Variants in TENM4 observed in about 807,000 individuals in gnomAD.
The protein encoded by TENM4 is teneurin-4.
Under a neutral mutation model 243.3 loss-of-function variants are expected in TENM4, and 82 were observed. That is an observed-to-expected ratio of 0.34 (90% CI 0.28 to 0.40). The LOEUF (loss-of-function observed/expected upper bound fraction) is 0.40, where lower values mean the gene tolerates loss of function less well. Among genes scored for constraint, TENM4 ranks in the 10% least tolerant of loss-of-function variants. TENM4 has a pLI of 1.00. For missense variants in TENM4, 3,138 were observed against 3,673.3 expected, an observed-to-expected ratio of 0.85 and a Z score of 3.77; for synonymous variants, 1,412 against 1,456.3, an observed-to-expected ratio of 0.97 and a Z score of 0.69.
intron 1 of TENM4, among the ~76,000 whole-genome samples, chr11:79,362,283 G>A (rs1448780401): frequency 6.6e-6 from 1 of 152,162 alleles, no homozygotes; most frequent in Admixed American, 6.5e-5. Context: ...AACACAATGA[G>A]CGCAGACAGC....
At chr11:78,854,865 G>A (rs1187556366) in intron 11 of TENM4, among the ~76,000 whole-genome samples, 10 of 152,152 alleles carry the variant, frequency 6.6e-5, no homozygotes, top group Non-Finnish European at 2.9e-5. Flanking sequence ...GTTTCAGGGA[G>A]CAAATTTAGG....
At chr11:79,234,054 G>A (rs1470879503) in intron 2 of TENM4, among the ~76,000 whole-genome samples, 5 of 152,162 alleles carry the variant, frequency 3.3e-5, no homozygotes, top group South Asian at 2.1e-4. Context: ...CAAATATGGC[G>A]TTTGCTACTC....
At chr11:79,398,169 C>G (rs561021261) in intron 1 of TENM4, among the ~76,000 whole-genome samples, 1 of 151,802 alleles carries the variant, frequency 6.6e-6, no homozygotes, top group South Asian at 2.1e-4. Context: ...CTGTGCTTTA[C>G]TTTTTTTTTC....
At chr11:79,039,292 T>C (rs756472092) in intron 6 of TENM4, among the ~76,000 whole-genome samples, 24 of 151,776 alleles carry the variant, frequency 1.6e-4, no homozygotes, top group Non-Finnish European at 3.5e-4. Context: ...CCTCAAAGGG[T>C]TTTTGGTGTT....
At chr11:79,174,320 C>T (rs1863114082) in intron 3 of TENM4, among the ~76,000 whole-genome samples, 2 of 152,040 alleles carry the variant, frequency 1.3e-5, no homozygotes, top group South Asian at 4.2e-4. Context: ...TGACTCATAC[C>T]TCCCTATGTC....
chr11:79,207,528 A>T (rs768929087), intron 3 of TENM4, among the ~76,000 whole-genome samples: 7 of 152,152 alleles, frequency 4.6e-5, no homozygotes, highest in African/African-American at 7.2e-5. Flanking sequence ...TTGAAACCAG[A>T]GCCTGAGCTC....
At position 79,145,733 on chromosome 11, in the gene TENM4, T is replaced by C. The variant is rs549134333; in HGVS notation, c.-66+2977A>G. On this transcript the variant is annotated intron_variant, in intron 4 of 33. Coordinates refer to ENST00000278550, the MANE Select transcript of TENM4 (RefSeq NM_001098816.3). ...CAGTTTTCCAGTGTCATCAAACCAATTACATTTCAGCTAACAGTGTGTAAG... is the reference window on the plus strand; with the variant it reads ...CAGTTTTCCAGTGTCATCAAACCAACTACATTTCAGCTAACAGTGTGTAAG... Among the ~76,000 whole-genome samples the C allele has an allele frequency of 4.1e-4, 63 of 152,228 alleles. 2 individuals carry two copies. Among genetic ancestry groups the C allele is most frequent in the Non-Finnish European group, 2.4e-4 (16 of 67,998 alleles).
At chr11:79,062,937 C>A (rs1362752268) in intron 6 of TENM4, among the ~76,000 whole-genome samples, 1 of 152,016 alleles carries the variant, frequency 6.6e-6, no homozygotes, top group Non-Finnish European at 1.5e-5. Context: ...TGGTTTCCCA[C>A]CAGAGAGAGG....
intron 3 of TENM4, among the ~76,000 whole-genome samples, chr11:79,172,666 C>CTTT (rs71457503): frequency 5.2e-4 from 71 of 137,712 alleles, no homozygotes; most frequent in East Asian, 3.6e-3. Context: ...TTTTCTGTTC[C>CTTT]TTTTTTTTTT....
chr11:79,142,831 T>C (rs564242601), intron 4 of TENM4, among the ~76,000 whole-genome samples: 3 of 151,936 alleles, frequency 2.0e-5, no homozygotes, highest in Non-Finnish European at 4.4e-5. Context: ...CAAATCTGCA[T>C]ACCTACAGTG....
At position 78,723,029 on chromosome 11, in the gene TENM4, A is replaced by G. The variant is rs1184621219; in HGVS notation, c.3551-112T>C. Reference sequence around the variant, plus strand: ...AAGGCATGCAAGATCTCCATCAACCATTTCCAGGATCATAGCCCAAGGCTT... The same window carrying G: ...AAGGCATGCAAGATCTCCATCAACCGTTTCCAGGATCATAGCCCAAGGCTT... On this transcript the variant is annotated intron_variant, in intron 23 of 33. Transcript: ENST00000278550. 1.2e-5 allele frequency: 17 copies of G among 1,442,700 alleles called. 1 individual carries two copies. In the East Asian group the frequency reaches 2.1e-4, roughly 18 times the overall value. 89.4% of individuals were successfully genotyped at this position (1,442,700 alleles called of 1,614,324 possible). A position where few individuals can be genotyped will look rare whatever the true frequency, so the allele number is the denominator to read the frequency against.
chr11:79,344,359 C>A (rs1472323134), intron 1 of TENM4, among the ~76,000 whole-genome samples: 1 of 152,048 alleles, frequency 6.6e-6, no homozygotes, highest in East Asian at 1.9e-4. Flanking sequence ...GTGAGGAAGT[C>A]AGAGAAGGGA....
intron 1 of TENM4, among the ~76,000 whole-genome samples, chr11:79,434,016 G>A (rs1020212328): frequency 3.9e-5 from 6 of 152,140 alleles, no homozygotes; most frequent in African/African-American, 7.2e-5. Context: ...GGAAATGGGA[G>A]GACTGGACTT....
chr11:79,328,762 T>G (rs115081696), intron 1 of TENM4, among the ~76,000 whole-genome samples: 1,947 of 148,790 alleles, frequency 0.013, 47 homozygotes, highest in African/African-American at 0.046. Context: ...ACACCCACTA[T>G]GTACCATGCC....
At chr11:79,050,181 T>C (rs1442841335) in intron 6 of TENM4, among the ~76,000 whole-genome samples, 2 of 152,194 alleles carry the variant, frequency 1.3e-5, no homozygotes, top group African/African-American at 4.8e-5. Context: ...TATTATGCAC[T>C]CCCTAAATGT....
At chr11:79,289,642 C>G (rs1046094415) in intron 2 of TENM4, among the ~76,000 whole-genome samples, 5 of 152,354 alleles carry the variant, frequency 3.3e-5, no homozygotes, top group South Asian at 4.1e-4. Context: ...GGTGCTGATC[C>G]TAAGAGCATG....
chr11:78,907,577 C>T (rs569053019), intron 6 of TENM4, among the ~76,000 whole-genome samples: 2 of 152,308 alleles, frequency 1.3e-5, no homozygotes, highest in Admixed American at 1.3e-4. Context: ...TACTTCACCA[C>T]TTTCTGGAGG....
intron 7 of TENM4, among the ~76,000 whole-genome samples, chr11:78,900,037 C>T (rs972924528): frequency 1.3e-5 from 2 of 152,218 alleles, no homozygotes; most frequent in African/African-American, 2.4e-5. Context: ...GTGAAGTCAT[C>T]TTGGATCCTT....
rs1477687193 is a variant in TENM4, at chr11:78,862,988, T to C, written c.1229A>G (p.Asp410Gly). 1 of 1,487,092 alleles carries C rather than the reference T, an allele frequency of 6.7e-7. No homozygotes were observed. Among genetic ancestry groups the C allele is most frequent in the Non-Finnish European group, 9.1e-7 (1 of 1,101,400 alleles). The allele number at this position is 1,487,092 out of a possible 1,614,324, so 92.1% of individuals were successfully genotyped here. A position where few individuals can be genotyped will look rare whatever the true frequency, so the allele number is the denominator to read the frequency against. The stretch of plus-strand genomic sequence containing the variant: ...TTCTGTGGTTCCTTTGCCTTTCCTG[T>C]CAGGGGTCTCTAAGCCAGTGCCCCC... ...PSGGTGLETP[D>G]RKGKGTTEGK... The change falls in exon 10 of 34, where the codon GAC (aspartate) becomes GGC (glycine). Residue 410 changes from aspartate (D) to glycine (G), a missense_variant. By Grantham distance (94) the Asp-to-Gly change is moderately conservative. This residue lies in a region of TENM4 where 671 missense variants were observed against 614.1 expected (regional missense o/e 1.09). Transcript: ENST00000278550.
Sources: allele counts gnomAD v4.1 joint callset (sites outside exome capture counted in the v4.1 genomes callset), GRCh38; gene constraint gnomAD v4.1.1; regional missense constraint gnomAD v4.1.1; transcripts MANE v1.5; gene names NCBI Gene and HGNC (gene_info 2026-07-23, HGNC 2026-07-21).